Variants in MYO7B observed in about 807,000 individuals in gnomAD.
MYO7B encodes myosin VIIB.
In MYO7B, 212 loss-of-function variants were observed where a neutral mutation model predicts 259.7. The observed-to-expected ratio is 0.82, with a 90% CI of 0.73 to 0.91. The LOEUF (loss-of-function observed/expected upper bound fraction) is 0.91, where lower values mean the gene tolerates loss of function less well. Ranked by LOEUF, MYO7B falls within the 40% of genes least tolerant of loss-of-function variation. MYO7B has a pLI of 0.00. For missense variants in MYO7B, 2,732 were observed against 2,813.5 expected (o/e 0.97, Z 0.66); for synonymous variants, 1,197 against 1,166.4 (o/e 1.03, Z -0.54).
chr2:127,617,355 AAAAAG>A (rs1250331499), intron 26 of MYO7B, among the ~76,000 whole-genome samples: 2 of 152,162 alleles, frequency 1.3e-5, no homozygotes, highest in African/African-American at 2.4e-5. Context: ...ACTCCAAACA[AAAAAG>A]AGAAGAGAAC....
At chr2:127,564,963 G>A (rs1416223845) in intron 3 of MYO7B, among the ~76,000 whole-genome samples, 1 of 152,068 alleles carries the variant, frequency 6.6e-6, no homozygotes, top group East Asian at 1.9e-4. Flanking sequence ...CTTTGTCCCT[G>A]GTCTGAAATT....
intron 1 of MYO7B, among the ~76,000 whole-genome samples, chr2:127,549,870 T>C (rs1240381054): frequency 6.6e-6 from 1 of 152,110 alleles, no homozygotes; most frequent in Non-Finnish European, 1.5e-5. Context: ...TCAGTGGGAA[T>C]TAAGCCATCC....
Position 127,626,964 on chromosome 2 carries a change from TCC to T in MYO7B, c.4216-6_4216-5del. On this transcript the variant is annotated splice_polypyrimidine_tract_variant and intron_variant, in intron 31 of 47. Coordinates refer to ENST00000409816, the MANE Select transcript of MYO7B (RefSeq NM_001393586.1). ...CAGGTGACGGAGGTGACATCCAGGA[TCC>T]CCCCTCAGGCCCCATACACTCAGAA... The T allele has an allele frequency of 6.2e-7, 1 of 1,604,384 alleles. No individual in the cohort carries two copies. The highest frequency in any genetic ancestry group is 8.5e-7 in the Non-Finnish European group (1 of 1,175,196).
chr2:127,587,034 C>A (rs184650315), intron 14 of MYO7B, among the ~76,000 whole-genome samples: 95 of 152,310 alleles, frequency 6.2e-4, no homozygotes, highest in Admixed American at 1.6e-3. Flanking sequence ...CTCTCCCACT[C>A]TTGACTCTTC....
At position 127,576,412 on chromosome 2, in the gene MYO7B, C is replaced by T. The variant is rs910973827; in HGVS notation, c.736-183C>T. 2.6e-5 allele frequency among the ~76,000 whole-genome samples: 4 copies of T among 152,096 alleles called. No homozygotes were observed. Among genetic ancestry groups the T allele is most frequent in the South Asian group, 2.1e-4 (1 of 4,826 alleles). On this transcript the variant is annotated intron_variant, in intron 7 of 47. Transcript: ENST00000409816. The surrounding 1 kb of genome is among the most constrained non-coding windows in gnomAD (Gnocchi z 4.9). ...GTTCTCAGGGCAGGGATGAGACAGC[C>T]GCGGAGGCCCGGGACAGGGACAGCA... is the stretch of plus-strand genomic sequence containing the variant.
intron 26 of MYO7B, among the ~76,000 whole-genome samples, chr2:127,618,940 A>T (rs1680698189): frequency 6.6e-6 from 1 of 152,208 alleles, no homozygotes; most frequent in Non-Finnish European, 1.5e-5. Flanking sequence ...GGGACAGAGG[A>T]AACATGCAGG....
chr2:127,619,279 G>A (rs185501875), intron 26 of MYO7B, among the ~76,000 whole-genome samples: 1,342 of 122,120 alleles, frequency 0.011, 18 homozygotes, highest in Non-Finnish European at 0.015. Flanking sequence ...GGTGGTGGCT[G>A]GCTGGGTGGT....
intron 40 of MYO7B, 82 bp downstream of exon 40, chr2:127,633,445 C>A: frequency 7.3e-7 from 1 of 1,366,984 alleles, no homozygotes; most frequent in Non-Finnish European, 1.0e-6. Context: ...CCAGCCTGCT[C>A]CTTGGTAACC....
intron 26 of MYO7B, among the ~76,000 whole-genome samples, chr2:127,618,263 G>T (rs1039827345): frequency 6.6e-6 from 1 of 152,192 alleles, no homozygotes; most frequent in African/African-American, 2.4e-5. Flanking sequence ...AACGAAGGGG[G>T]ATGAACGTAG....
At position 127,608,688 on chromosome 2, in the gene MYO7B, T is replaced by C; in HGVS notation, c.2644-20T>C. 6.2e-7 allele frequency: 1 copy of C among 1,600,114 alleles called. No homozygotes were observed. Among genetic ancestry groups the C allele is most frequent in the Non-Finnish European group, 8.5e-7 (1 of 1,170,454 alleles). ...AGCCCTGCTGGGCCCCTGGGTAACC[T>C]TCCTCCACGGGGTATGCAGGCGCCG... On this transcript the variant is annotated intron_variant, in intron 21 of 47. Transcript: ENST00000409816.
chr2:127,566,316 G>A (rs927705771), intron 4 of MYO7B, among the ~76,000 whole-genome samples: 65 of 152,222 alleles, frequency 4.3e-4, no homozygotes, highest in Admixed American at 4.2e-3. Context: ...CCTGCGGGAT[G>A]CAGGTGAAAA....
Position 127,573,991 on chromosome 2 carries a change from AAC to A in MYO7B, c.665_666del (p.Asn222ThrfsTer43), listed in dbSNP as rs1678753839. 2.5e-6 allele frequency: 4 copies of A among 1,613,918 alleles called. No homozygotes were observed. The highest frequency in any genetic ancestry group is 3.4e-6 in the Non-Finnish European group (4 of 1,179,898). ...RFGKYIDIYF[N>X]PSGVIEGARI... The stretch of plus-strand genomic sequence containing the variant: ...TGGGAAGTACATTGACATCTACTTT[AAC>A]CCCAGCGGGGTGATCGAGGGCGCGC... On this transcript the variant is annotated frameshift_variant, in exon 7 of 48. Coordinates refer to ENST00000409816, the MANE Select transcript of MYO7B (RefSeq NM_001393586.1). LOFTEE classifies it high-confidence loss of function.
chr2:127,570,464 C>T (rs1414041771), intron 6 of MYO7B, among the ~76,000 whole-genome samples: 4 of 152,232 alleles, frequency 2.6e-5, no homozygotes, highest in Admixed American at 6.5e-5. Flanking sequence ...GAGCAAACTG[C>T]TCCTTAGAAG....
intron 19 of MYO7B, 104 bp from the exon 20 acceptor site, chr2:127,605,740 C>T: frequency 3.1e-6 from 3 of 959,174 alleles, no homozygotes; most frequent in Non-Finnish European, 4.8e-6. Flanking sequence ...TCATTTTTCC[C>T]AATATTTCAC....
intron 6 of MYO7B, among the ~76,000 whole-genome samples, chr2:127,572,198 C>T (rs866284735): frequency 1.3e-5 from 2 of 152,158 alleles, no homozygotes; most frequent in Admixed American, 6.5e-5. Flanking sequence ...GCAGTCAGAT[C>T]GCTTGAGGTC....
chr2:127,555,768 T>C (rs1693612700), intron 1 of MYO7B, among the ~76,000 whole-genome samples: 1 of 152,212 alleles, frequency 6.6e-6, no homozygotes, highest in Admixed American at 6.5e-5. Context: ...GAGTACTTGA[T>C]ATAATTTCAA....
intron 18 of MYO7B, 131 bp downstream of exon 18, chr2:127,593,775 G>GTCCCC: frequency 1.3e-6 from 1 of 774,494 alleles, no homozygotes; most frequent in Non-Finnish European, 2.2e-6. Context: ...TCAAAGTGTG[G>GTCCCC]TCCCCACCCT....
At chr2:127,617,315 C>A (rs1680606583) in intron 26 of MYO7B, among the ~76,000 whole-genome samples, 1 of 152,100 alleles carries the variant, frequency 6.6e-6, no homozygotes, top group Admixed American at 6.6e-5. Context: ...CTCTCAAACC[C>A]TGAAATGACA....
rs1681197089 is a variant in MYO7B, at chr2:127,627,420, CG to C, written c.4460+114del. ...CAGTGTGCCGTCCCGGGTAACAGGC[CG>C]GGGTGGAGGGACAAGAATCTACGTA... On this transcript the variant is annotated intron_variant, in intron 33 of 47. Transcript: ENST00000409816. This position sits in a 1 kb window ranked among gnomAD's most constrained non-coding sequence, Gnocchi z 5.6. The C allele has an allele frequency of 6.9e-7, 1 of 1,451,182 alleles. No individual in the cohort carries two copies. The highest frequency in any genetic ancestry group is 9.4e-7 in the Non-Finnish European group (1 of 1,062,920). The allele number at this position is 1,451,182 out of a possible 1,614,324, so 89.9% of individuals were successfully genotyped here.
Sources: allele counts gnomAD v4.1 joint callset (sites outside exome capture counted in the v4.1 genomes callset), GRCh38; gene constraint gnomAD v4.1.1; non-coding constraint Gnocchi (gnomAD v3.1); transcripts MANE v1.5; gene names NCBI Gene and HGNC (gene_info 2026-07-23, HGNC 2026-07-21).